The following DCLK1 variants were observed in gnomAD, a reference collection of about 807,000 sequenced individuals.
The protein encoded by DCLK1 is serine/threonine-protein kinase DCLK1.
Under a neutral mutation model 86.2 loss-of-function variants are expected in DCLK1, and 16 were observed. The observed-to-expected ratio is 0.19, with a 90% CI of 0.13 to 0.28. The LOEUF (loss-of-function observed/expected upper bound fraction) is 0.28, where lower values mean the gene tolerates loss of function less well. Ranked by LOEUF, DCLK1 falls within the 10% of genes least tolerant of loss-of-function variation. The pLI is 1.00. For synonymous variants in DCLK1, 369 were observed against 370.5 expected, an observed-to-expected ratio of 1.00 and a Z score of 0.05; for missense variants, 590 against 940.2, an observed-to-expected ratio of 0.63 and a Z score of 4.87.
At chr13:35,897,081 C>A (rs1874052247) in intron 4 of DCLK1, among the ~76,000 whole-genome samples, 1 of 151,878 alleles carries the variant, frequency 6.6e-6, no homozygotes, top group Non-Finnish European at 1.5e-5. Flanking sequence ...CATTATCGGG[C>A]CATTGAATTA....
intron 3 of DCLK1, among the ~76,000 whole-genome samples, chr13:35,985,003 T>C (rs934049994): frequency 1.3e-5 from 2 of 152,232 alleles, no homozygotes; most frequent in African/African-American, 4.8e-5. Flanking sequence ...CCCGTCACCA[T>C]GGAAACAAGC....
intron 3 of DCLK1, among the ~76,000 whole-genome samples, chr13:36,007,453 C>G (rs1350186375): frequency 1.3e-5 from 2 of 152,106 alleles, no homozygotes; most frequent in Non-Finnish European, 2.9e-5. Context: ...CTCTCTGTTC[C>G]CAGCAAAATC....
intron 3 of DCLK1, among the ~76,000 whole-genome samples, chr13:35,954,087 T>G (rs1418468832): frequency 6.6e-6 from 1 of 152,194 alleles, no homozygotes; most frequent in African/African-American, 2.4e-5. Flanking sequence ...ACTTTCTTTT[T>G]CTTTAAAATA....
intron 3 of DCLK1, among the ~76,000 whole-genome samples, chr13:36,013,385 G>C (rs2153148594): frequency 6.6e-6 from 1 of 151,794 alleles, no homozygotes; most frequent in Admixed American, 6.6e-5. Context: ...TTTGTTGATG[G>C]TGATGTACAG....
chr13:35,873,971 A>G (rs1004938129), intron 4 of DCLK1, among the ~76,000 whole-genome samples: 4 of 152,222 alleles, frequency 2.6e-5, no homozygotes, highest in African/African-American at 7.2e-5. Flanking sequence ...ATCATGTTAT[A>G]AATATTTATC....
chr13:35,949,950 C>G (rs1877576363), intron 3 of DCLK1, among the ~76,000 whole-genome samples: 1 of 151,342 alleles, frequency 6.6e-6, no homozygotes, highest in South Asian at 2.1e-4. Context: ...CTGTCATCAC[C>G]CAGCACAAAA....
intron 3 of DCLK1, among the ~76,000 whole-genome samples, chr13:36,000,600 C>T (rs1481781851): frequency 4.6e-5 from 7 of 152,124 alleles, no homozygotes; most frequent in Admixed American, 2.6e-4. Context: ...CTAAAGTCAT[C>T]GAAAGCAACC....
intron 14 of DCLK1, among the ~76,000 whole-genome samples, chr13:35,806,046 G>T (rs60045148): frequency 0.025 from 3,795 of 152,136 alleles, 53 homozygotes; most frequent in African/African-American, 0.04. Flanking sequence ...TAATAGAAAA[G>T]AAATTATACA....
At chr13:35,966,552 T>C (rs1380677483) in intron 3 of DCLK1, among the ~76,000 whole-genome samples, 1 of 124,392 alleles carries the variant, frequency 8.0e-6, no homozygotes. Flanking sequence ...CCTCTGATGC[T>C]GAGCGGAGGC....
chr13:35,927,801 A>G (rs1876207526), intron 4 of DCLK1, among the ~76,000 whole-genome samples: 1 of 152,042 alleles, frequency 6.6e-6, no homozygotes, highest in Non-Finnish European at 1.5e-5. Context: ...TATCAGCCTG[A>G]CCTCTGGAGA....
intron 3 of DCLK1, among the ~76,000 whole-genome samples, chr13:36,007,058 T>C (rs1881007274): frequency 6.6e-6 from 1 of 152,174 alleles, no homozygotes; most frequent in South Asian, 2.1e-4. Context: ...TTAGGGAAAG[T>C]AAATGTGCAT....
intron 5 of DCLK1, among the ~76,000 whole-genome samples, chr13:35,856,082 T>A (rs1023568652): frequency 6.6e-6 from 1 of 152,194 alleles, no homozygotes; most frequent in Non-Finnish European, 1.5e-5. Flanking sequence ...CCTTAAAAAA[T>A]GTCACATACC....
intron 4 of DCLK1, among the ~76,000 whole-genome samples, chr13:35,935,144 A>G (rs1171094): frequency 0.75 from 114,330 of 152,052 alleles, 43,149 homozygotes; most frequent in Admixed American, 0.82. Flanking sequence ...CAGATATTTC[A>G]AAAATAAATA....
At chr13:35,911,036 C>T (rs1487908234) in intron 4 of DCLK1, among the ~76,000 whole-genome samples, 2 of 151,096 alleles carry the variant, frequency 1.3e-5, no homozygotes, top group African/African-American at 2.4e-5. Flanking sequence ...GTAATCCCAG[C>T]ACTTTGGGAG....
At position 35,871,202 on chromosome 13, in the gene DCLK1, A is replaced by C. The variant is rs750413704; in HGVS notation, c.940+22T>G. 2.1e-5 allele frequency: 34 copies of C among 1,599,252 alleles called. No homozygotes were observed. The African/African-American group carries it at 4.4e-4, about 21-fold the overall frequency. On this transcript the variant is annotated intron_variant, in intron 5 of 16. Transcript: ENST00000360631. ...GTGTCAGGAACAAGGCAATTTCTTC[A>C]AAATCCCCTCTGCTGCTTTACCTGA...
intron 3 of DCLK1, among the ~76,000 whole-genome samples, chr13:36,098,967 T>A (rs1023947064): frequency 2.7e-5 from 4 of 146,088 alleles, no homozygotes; most frequent in African/African-American, 7.6e-5. Context: ...TTAATATTAT[T>A]TGGATTTTTT....
At chr13:36,067,987 T>G (rs900302463) in intron 3 of DCLK1, among the ~76,000 whole-genome samples, 1 of 152,192 alleles carries the variant, frequency 6.6e-6, no homozygotes, top group African/African-American at 2.4e-5. Context: ...AAAGGAATGA[T>G]GTAAACGCAC....
intron 3 of DCLK1, among the ~76,000 whole-genome samples, chr13:36,013,583 G>A (rs879496909): frequency 2.3e-3 from 356 of 152,260 alleles, no homozygotes; most frequent in Middle Eastern, 0.01. Context: ...CAGTCTGCCC[G>A]TTCTCAGATC....
chr13:35,802,652 A>G (rs2086945064), intron 15 of DCLK1, among the ~76,000 whole-genome samples: 1 of 152,248 alleles, frequency 6.6e-6, no homozygotes, highest in Non-Finnish European at 1.5e-5. Flanking sequence ...AGACACAAAT[A>G]CAAAAACCAT....
Sources: gnomAD v4.1 joint callset for allele counts (sites outside exome capture counted in the v4.1 genomes callset) on GRCh38, gnomAD v4.1.1 for gene constraint, MANE v1.5 for transcripts, NCBI Gene and HGNC (gene_info 2026-07-23, HGNC 2026-07-21) for gene names.